Variants in SUGCT observed in about 807,000 individuals in gnomAD.
SUGCT encodes succinyl-CoA:glutarate CoA-transferase.
SUGCT carries 41 observed loss-of-function variants against 55.0 expected under a neutral mutation model. That is an observed-to-expected ratio of 0.74 (90% confidence interval 0.58 to 0.97). The LOEUF (loss-of-function observed/expected upper bound fraction) is 0.97. Ranked by LOEUF, SUGCT falls within the 50% of genes least tolerant of loss-of-function variation. The probability of loss-of-function intolerance (pLI) is 0.00; values close to 1 mark genes in which losing one functional copy is unlikely to be tolerated. For synonymous variants in SUGCT, 187 were observed against 200.4 expected, an observed-to-expected ratio of 0.93 and a Z score of 0.56; for missense variants, 568 against 547.8, an observed-to-expected ratio of 1.04 and a Z score of -0.37.
At chr7:40,677,136 A>G (rs550314976) in intron 12 of SUGCT, among the ~76,000 whole-genome samples, 5 of 152,302 alleles carry the variant, frequency 3.3e-5, no homozygotes, top group African/African-American at 1.2e-4. Context: ...AGTTATAACA[A>G]ATGTTTCACC....
chr7:40,597,954 GA>G (rs543387765), intron 12 of SUGCT, among the ~76,000 whole-genome samples: 8 of 148,532 alleles, frequency 5.4e-5, no homozygotes, highest in East Asian at 2.0e-4. Flanking sequence ...TAGTTTCTCC[GA>G]AAAAAAAAAT....
intron 13 of SUGCT, among the ~76,000 whole-genome samples, chr7:40,854,440 CT>C (rs1391562443): frequency 3.5e-5 from 5 of 141,602 alleles, no homozygotes; most frequent in Non-Finnish European, 7.6e-5. Context: ...TTCTTTCTTT[CT>C]TTCTTTCTTT....
At chr7:40,983,424 A>G in the SUGCT span, among the ~76,000 whole-genome samples, 1 of 152,122 alleles carries the variant, frequency 6.6e-6, no homozygotes, top group African/African-American at 2.4e-5. Context: ...GAGCCAACAC[A>G]TCTGTCATAT....
intron 13 of SUGCT, among the ~76,000 whole-genome samples, chr7:40,835,504 T>A (rs1792916989): frequency 6.6e-6 from 1 of 152,212 alleles, no homozygotes; most frequent in Admixed American, 6.5e-5. Flanking sequence ...GCTAGTGCTC[T>A]CCTTCTGGCA....
chr7:40,368,262 A>T (rs1196476447), intron 9 of SUGCT, among the ~76,000 whole-genome samples: 1 of 149,178 alleles, frequency 6.7e-6, no homozygotes, highest in Non-Finnish European at 1.5e-5. Flanking sequence ...ACAATGGCTG[A>T]TCTCGGCTCA....
At chr7:40,135,254 C>T in intron 1 of SUGCT, 134 bp downstream of exon 1, 1 of 1,143,024 alleles carries the variant, frequency 8.7e-7, no homozygotes, top group Non-Finnish European at 1.2e-6. Flanking sequence ...CGCCTCCCTG[C>T]AACCCCGTTC....
the SUGCT span, among the ~76,000 whole-genome samples, chr7:41,012,584 C>T: frequency 2.6e-5 from 4 of 152,156 alleles, no homozygotes; most frequent in Non-Finnish European, 2.9e-5. Flanking sequence ...TCTGAGGCCT[C>T]CATGGTGAAT....
chr7:40,992,474 C>T, the SUGCT span, among the ~76,000 whole-genome samples: 193 of 152,186 alleles, frequency 1.3e-3, no homozygotes, highest in African/African-American at 4.3e-3. Flanking sequence ...AATGCCTTAA[C>T]CTGTTGAAAA....
At chr7:40,554,645 A>G (rs1795468160) in intron 12 of SUGCT, among the ~76,000 whole-genome samples, 1 of 152,206 alleles carries the variant, frequency 6.6e-6, no homozygotes, top group Non-Finnish European at 1.5e-5. Flanking sequence ...ATTGATATCT[A>G]CAGTCTGCAT....
Position 40,194,800 on chromosome 7 carries a change from T to C in SUGCT, c.364-140T>C, listed in dbSNP as rs914722888. On this transcript the variant is annotated intron_variant, in intron 5 of 13. Coordinates refer to ENST00000335693, the MANE Select transcript of SUGCT (RefSeq NM_001193313.2). ...GCTTTAAGTAGTTGACTAGAACTTCTATGTTTATCTAATTTGCTTCATCAG... is the reference window on the plus strand; with the variant it reads ...GCTTTAAGTAGTTGACTAGAACTTCCATGTTTATCTAATTTGCTTCATCAG... 70 of 974,810 alleles carry C rather than the reference T, an allele frequency of 7.2e-5. No individual in the cohort carries two copies. The Middle Eastern group carries it at 2.2e-3, about 31-fold the overall frequency. The allele number at this position is 974,810 out of a possible 1,614,324, so 60.4% of individuals were successfully genotyped here.
chr7:40,963,979 T>C, the SUGCT span, among the ~76,000 whole-genome samples: 1 of 152,228 alleles, frequency 6.6e-6, no homozygotes, highest in Admixed American at 6.5e-5. Context: ...TTGTTTTTCC[T>C]TCACATTAAC....
chr7:40,254,063 A>T (rs745779421), intron 7 of SUGCT, among the ~76,000 whole-genome samples: 1 of 152,230 alleles, frequency 6.6e-6, no homozygotes, highest in Non-Finnish European at 1.5e-5. Context: ...TCGTTATTTC[A>T]TAAAAGTTAT....
chr7:40,946,929 T>C, the SUGCT span, among the ~76,000 whole-genome samples: 24 of 152,382 alleles, frequency 1.6e-4, no homozygotes, highest in African/African-American at 5.0e-4. Context: ...GATTGTAATG[T>C]CTTGATCTGA....
chr7:40,544,432 C>T (rs1184283949), intron 12 of SUGCT, among the ~76,000 whole-genome samples: 5 of 152,122 alleles, frequency 3.3e-5, no homozygotes, highest in Admixed American at 6.5e-5. Context: ...TTCTTTGCAG[C>T]GGGCTTGCTG....
At chr7:40,828,612 G>T (rs549218920) in intron 13 of SUGCT, among the ~76,000 whole-genome samples, 1 of 145,658 alleles carries the variant, frequency 6.9e-6, no homozygotes, top group South Asian at 2.2e-4. Flanking sequence ...ACACAATGTT[G>T]AATTAAAAAA....
At position 40,655,915 on chromosome 7, in the gene SUGCT, C is replaced by G. The variant is rs539477703; in HGVS notation, c.1090-93519C>G. Among the ~76,000 whole-genome samples the G allele has an allele frequency of 1.6e-4, 24 of 152,110 alleles. No homozygotes were observed. In the East Asian group the frequency reaches 4.4e-3, roughly 28 times the overall value. ...TTGTAGGCTATATTGAGCTTCCTGT[C>G]TCATTATATTTGCCAAAAACATATT... On this transcript the variant is annotated intron_variant, in intron 12 of 13. Coordinates refer to ENST00000335693, the MANE Select transcript of SUGCT (RefSeq NM_001193313.2).
At chr7:40,618,858 T>C (rs957043262) in intron 12 of SUGCT, among the ~76,000 whole-genome samples, 17 of 152,236 alleles carry the variant, frequency 1.1e-4, no homozygotes, top group African/African-American at 4.1e-4. Flanking sequence ...TTCTAAATTT[T>C]ATTTTCTTTC....
chr7:40,349,984 A>G (rs569231756), intron 9 of SUGCT, among the ~76,000 whole-genome samples: 14 of 152,230 alleles, frequency 9.2e-5, no homozygotes, highest in African/African-American at 3.1e-4. Flanking sequence ...CACTGCACCC[A>G]GCTTTTCCTA....
At chr7:40,510,806 A>G (rs1234273640) in intron 12 of SUGCT, among the ~76,000 whole-genome samples, 1 of 152,222 alleles carries the variant, frequency 6.6e-6, no homozygotes, top group Non-Finnish European at 1.5e-5. Context: ...TAGAATTTCA[A>G]TTAATAAACT....
Sources: gnomAD v4.1 joint callset for allele counts (sites outside exome capture counted in the v4.1 genomes callset) on GRCh38, gnomAD v4.1.1 for gene constraint, MANE v1.5 for transcripts, NCBI Gene and HGNC (gene_info 2026-07-23, HGNC 2026-07-21) for gene names.